The following AKT1 variants were observed in gnomAD, a reference collection of about 807,000 sequenced individuals.
AKT1 encodes AKT serine/threonine kinase 1, also known as RAC-alpha serine/threonine-protein kinase.
In AKT1, 21 loss-of-function variants were observed where a neutral mutation model predicts 63.1. The observed-to-expected ratio is 0.33, with a 90% CI of 0.24 to 0.48. The LOEUF (loss-of-function observed/expected upper bound fraction) is 0.48, where lower values mean the gene tolerates loss of function less well. Ranked by LOEUF, AKT1 falls within the 20% of genes least tolerant of loss-of-function variation. AKT1 has a pLI of 0.99. For missense variants in AKT1, 382 were observed against 666.0 expected (o/e 0.57, Z 4.69); for synonymous variants, 257 against 253.1 (o/e 1.02, Z -0.15).
chr14:104,782,998 C>A (rs1403111149), intron 3 of AKT1, among the ~76,000 whole-genome samples: 1 of 152,170 alleles, frequency 6.6e-6, no homozygotes, highest in African/African-American at 2.4e-5. Flanking sequence ...CAGGGCCCCA[C>A]TACTCCCTGA....
intron 3 of AKT1, among the ~76,000 whole-genome samples, chr14:104,781,199 C>T (rs1357366471): frequency 1.3e-5 from 2 of 151,758 alleles, no homozygotes; most frequent in Non-Finnish European, 2.9e-5. Flanking sequence ...AGGGAACTTA[C>T]TAATTAGGCA....
chr14:104,794,652 C>G (rs1378392574), intron 1 of AKT1: 1 of 152,330 alleles, frequency 6.6e-6, no homozygotes, highest in Non-Finnish European at 1.5e-5. Flanking sequence ...AACCGGACCC[C>G]CACCAACGGA....
intron 4 of AKT1, chr14:104,776,971 C>T (rs1437143212): frequency 3.7e-6 from 2 of 547,564 alleles, no homozygotes; most frequent in Non-Finnish European, 6.5e-6. Flanking sequence ...AGACACTCTA[C>T]TCCAGGCTGA....
chr14:104,782,343 T>G (rs1408606682), intron 3 of AKT1, among the ~76,000 whole-genome samples: 1 of 152,080 alleles, frequency 6.6e-6, no homozygotes, highest in Non-Finnish European at 1.5e-5. Flanking sequence ...CCGGCACCCC[T>G]GAAACCCATC....
chr14:104,773,165 G>A lies in AKT1; in HGVS notation c.958-73C>T, dbSNP rs1892494210. The A allele has an allele frequency of 2.5e-6, 4 of 1,609,870 alleles. No homozygotes were observed. The East Asian group carries it at 8.9e-5, about 36-fold the overall frequency. ...GACACTGCCGGGGGAGGTGTGACGT[G>A]CTTGGGGCACAGAGAGGACACAGCA... On this transcript the variant is annotated intron_variant, in intron 11 of 14. Transcript: ENST00000649815.
chr14:104,780,061 A>G (rs1892946605), intron 4 of AKT1, 27 bp downstream of exon 4: 4 of 1,608,896 alleles, frequency 2.5e-6, no homozygotes, highest in Non-Finnish European at 3.4e-6. Flanking sequence ...CCAAATCTGA[A>G]TCCCGAGAGG....
At chr14:104,772,058 C>T in intron 13 of AKT1, 1 of 514,896 alleles carries the variant, frequency 1.9e-6, no homozygotes, top group Non-Finnish European at 3.5e-6. Flanking sequence ...GGGAAGGGAA[C>T]CCCAAGGCTG....
rs141303557 is a variant in AKT1, at chr14:104,772,398, G to A, written c.1227C>T (p.Ala409=). ...CGTACACGTGCTGCCACACGATACC[G>A]GCAAAGAAGCGATGCTGCATGATCT... ...AKEIMQHRFF[A]GIVWQHVYEK... is the part of the protein sequence containing the mutation. Residue 409 remains alanine, a synonymous_variant, in exon 13 of 15, where the codon GCC becomes GCT. Coordinates refer to ENST00000649815, the MANE Select transcript of AKT1 (RefSeq NM_001382430.1). 99 of 1,613,872 alleles carry A rather than the reference G, an allele frequency of 6.1e-5. No homozygotes were observed. The highest frequency in any genetic ancestry group is 5.9e-4 in the African/African-American group (44 of 75,072).
chr14:104,789,806 C>T (rs1229733935), intron 3 of AKT1, among the ~76,000 whole-genome samples: 1 of 152,212 alleles, frequency 6.6e-6, no homozygotes, highest in East Asian at 1.9e-4. Flanking sequence ...TAAGCTCACC[C>T]TCCAGGAACC....
In AKT1 at chr14:104,773,906, C is replaced by T. The variant is rs755036747; in HGVS notation, c.702+6G>A. On this transcript the variant is annotated splice_donor_region_variant and intron_variant, in intron 9 of 14. Transcript: ENST00000649815. Reference sequence around the variant, plus strand: ...GAAGTCCATCCCCCGCAGCCCCAGCCCCTACCTCGCCCCCGTTGGCGTACT... The same window carrying T: ...GAAGTCCATCCCCCGCAGCCCCAGCTCCTACCTCGCCCCCGTTGGCGTACT... The T allele has an allele frequency of 1.9e-6, 3 of 1,604,796 alleles. No homozygotes were observed. In the South Asian group the frequency reaches 3.3e-5, roughly 18 times the overall value.
At chr14:104,782,774 ACACAGACCCCTC>A (rs1893129216) in intron 3 of AKT1, among the ~76,000 whole-genome samples, 1 of 152,292 alleles carries the variant, frequency 6.6e-6, no homozygotes, top group East Asian at 1.9e-4. Context: ...CCAGCCCAGC[ACACAGACCCCTC>A]CAGGGGAGGA....
In AKT1 at chr14:104,776,084, CCCCCAA is replaced by C. The variant is rs1566818417; in HGVS notation, c.288-291_288-286del. On this transcript the variant is annotated intron_variant, in intron 5 of 14. Coordinates refer to ENST00000649815, the MANE Select transcript of AKT1 (RefSeq NM_001382430.1). ...TCCGCCCCCCAGCAGGACTCCGCCC[CCCCCAA>C]GCAGGACTCCGCCTCCCAAGCAGGA... 1.8e-5 allele frequency: 6 copies of C among 335,906 alleles called. No individual in the cohort carries two copies. In the African/African-American group the frequency reaches 1.9e-4, roughly 10 times the overall value. 20.8% of individuals were successfully genotyped at this position (335,906 alleles called of 1,614,324 possible).
rs539274348 is a variant in AKT1, at chr14:104,769,904, G to A, written c.*437C>T. On this transcript the variant is annotated 3_prime_UTR_variant, in exon 15 of 15. Transcript: ENST00000649815. ...GCATACCATAGTGAGGTTGCATCTG[G>A]TGCCACCAGGTTGAACTGAGGCCCA... 548 of 395,558 alleles carry A rather than the reference G, an allele frequency of 1.4e-3. 1 individual carries two copies. The highest frequency in any genetic ancestry group is 8.8e-3 in the Middle Eastern group (12 of 1,358). The allele number at this position is 395,558 out of a possible 1,614,324, so 24.5% of individuals were successfully genotyped here. A position where few individuals can be genotyped will look rare whatever the true frequency, so the allele number is the denominator to read the frequency against.
At chr14:104,783,099 C>A (rs978387144) in intron 3 of AKT1, among the ~76,000 whole-genome samples, 1 of 152,118 alleles carries the variant, frequency 6.6e-6, no homozygotes, top group African/African-American at 2.4e-5. Flanking sequence ...AGGACGCCTG[C>A]AGGCCTGCAC....
In AKT1 at chr14:104,770,211, T is replaced by C. The variant is rs1222390134; in HGVS notation, c.*130A>G. On this transcript the variant is annotated 3_prime_UTR_variant, in exon 15 of 15. Coordinates refer to ENST00000649815, the MANE Select transcript of AKT1 (RefSeq NM_001382430.1). ...CCCACAGCACAAAAACGTCTTTCCA[T>C]CTGGGCTCGAGAGGACAGCGTGGCT... 3 of 1,025,138 alleles carry C rather than the reference T, an allele frequency of 2.9e-6. No individual in the cohort carries two copies. Among genetic ancestry groups the C allele is most frequent in the Non-Finnish European group, 4.4e-6 (3 of 684,032 alleles). The allele number at this position is 1,025,138 out of a possible 1,614,324, so 63.5% of individuals were successfully genotyped here. A position where few individuals can be genotyped will look rare whatever the true frequency, so the allele number is the denominator to read the frequency against.
chr14:104,774,297 C>T (rs929657445), intron 8 of AKT1: 12 of 441,912 alleles, frequency 2.7e-5, no homozygotes, highest in Non-Finnish European at 5.1e-5. Context: ...CCCCGGCAGC[C>T]CCTGAGGTGC....
chr14:104,775,757 G>C lies in AKT1; in HGVS notation c.330C>G (p.Leu110=). 1 of 1,614,022 alleles carries C rather than the reference G, an allele frequency of 6.2e-7. No individual in the cohort carries two copies. The highest frequency in any genetic ancestry group is 8.5e-7 in the Non-Finnish European group (1 of 1,179,958). Residue 110 remains leucine, a synonymous_variant, in exon 6 of 15, where the codon CTC becomes CTG. Transcript: ENST00000649815. The part of the protein sequence containing the change: ...TTAIQTVADG[L]KKQEEEEMDF... ...CCATCTCCTCCTCCTCCTGCTTCTT[G>C]AGGCCGTCAGCCACAGTCTGGATGG...
rs774067656 is a variant in AKT1, at chr14:104,774,928, T to TC, written c.633+9dup. The TC allele has an allele frequency of 1.9e-6, 3 of 1,608,716 alleles. No homozygotes were observed. In the African/African-American group the frequency reaches 4.0e-5, roughly 22 times the overall value. ...CCCAGCCCTTCAGCCCCATCTGGGC[T>TC]CCCACTCACTGTGAGGAAGGGGTGC... On this transcript the variant is annotated intron_variant, in intron 8 of 14. Coordinates refer to ENST00000649815, the MANE Select transcript of AKT1 (RefSeq NM_001382430.1).
intron 8 of AKT1, 174 bp from the exon 9 acceptor site, chr14:104,774,154 T>G: frequency 1.7e-6 from 1 of 587,302 alleles, no homozygotes; most frequent in Non-Finnish European, 3.1e-6. Context: ...GATACCACAC[T>G]GCCCCACACC....
Sources: gnomAD v4.1 joint callset for allele counts (sites outside exome capture counted in the v4.1 genomes callset) on GRCh38, gnomAD v4.1.1 for gene constraint, MANE v1.5 for transcripts, NCBI Gene and HGNC (gene_info 2026-07-23, HGNC 2026-07-21) for gene names.